Variants in FAR1 observed in about 807,000 individuals in gnomAD.
FAR1 encodes the protein male sterility domain-containing protein 2.
A neutral mutation model predicts 61.1 loss-of-function variants in FAR1; 22 were observed. That is an observed-to-expected ratio of 0.36 (90% CI 0.26 to 0.51). FAR1 has a LOEUF of 0.51. FAR1 is among the 20% of genes least tolerant of loss of function. The probability of loss-of-function intolerance (pLI) is 0.95; values close to 1 mark genes in which losing one functional copy is unlikely to be tolerated. For missense variants in FAR1, 359 were observed against 626.9 expected (o/e 0.57, Z 4.56); for synonymous variants, 206 against 209.7 (o/e 0.98, Z 0.15).
At chr11:13,691,683 T>C (rs1326018368) in intron 1 of FAR1, among the ~76,000 whole-genome samples, 1 of 152,214 alleles carries the variant, frequency 6.6e-6, no homozygotes, top group East Asian at 1.9e-4. Flanking sequence ...TTCATCCATG[T>C]TGTAGTAAGT....
intron 1 of FAR1, among the ~76,000 whole-genome samples, chr11:13,687,421 T>G (rs1848199497): frequency 6.6e-6 from 1 of 152,220 alleles, no homozygotes; most frequent in Non-Finnish European, 1.5e-5. Context: ...ATTGCAGTGG[T>G]GCAGCTACTT....
At chr11:13,708,447 G>GCGCACA (rs139902063) in intron 4 of FAR1, among the ~76,000 whole-genome samples, 5,049 of 136,632 alleles carry the variant, frequency 0.037, 102 homozygotes, top group Non-Finnish European at 0.046. Flanking sequence ...GCGCGCGCGC[G>GCGCACA]CACACACACA....
At position 13,709,905 on chromosome 11, in the gene FAR1, A is replaced by G. The variant is rs551339357; in HGVS notation, c.546-788A>G. On this transcript the variant is annotated intron_variant, in intron 4 of 11. Transcript: ENST00000354817. The stretch of plus-strand genomic sequence containing the variant: ...AGTAAAAACAAGTACATAATGTATT[A>G]GAATCAGAAGTTTAGGAAAAACCAT... 4.6e-5 allele frequency among the ~76,000 whole-genome samples: 7 copies of G among 152,244 alleles called. No homozygotes were observed. The South Asian group carries it at 1.4e-3, about 32-fold the overall frequency.
chr11:13,712,884 C>T (rs1180607588), intron 7 of FAR1, 82 bp from the exon 8 acceptor site: 3 of 1,033,800 alleles, frequency 2.9e-6, no homozygotes, highest in African/African-American at 1.6e-5. Flanking sequence ...ATCCTCATGT[C>T]TTCTTGAATA....
In FAR1 at chr11:13,683,809, C is replaced by A. The variant is rs888225474; in HGVS notation, c.-7-10950C>A. Among the ~76,000 whole-genome samples, 3 of 152,282 alleles carry A rather than the reference C, an allele frequency of 2.0e-5. No individual in the cohort carries two copies. In the South Asian group the frequency reaches 6.2e-4, roughly 32 times the overall value. On this transcript the variant is annotated intron_variant, in intron 1 of 11. Coordinates refer to ENST00000354817, the MANE Select transcript of FAR1 (RefSeq NM_032228.6). ...ATAGGTGGTAGAAATTTTTAGGTAG[C>A]TGGATTTAATGGTTAGATATTCAAT...
chr11:13,703,230 T>A (rs1017547383), intron 3 of FAR1, among the ~76,000 whole-genome samples: 1 of 152,180 alleles, frequency 6.6e-6, no homozygotes, highest in Non-Finnish European at 1.5e-5. Flanking sequence ...TCGCCCAGGC[T>A]GAGAGTGCAG....
rs1848708248 is a variant in FAR1 at position 13,730,089 on chromosome 11, G to A, written c.*1315G>A. 6.6e-6 allele frequency: 1 copy of A among 152,262 alleles called. No individual in the cohort carries two copies. The allele number at this position is 152,262 out of a possible 1,614,324, so 9.4% of individuals were successfully genotyped here. A position where few individuals can be genotyped will look rare whatever the true frequency, so the allele number is the denominator to read the frequency against. On this transcript the variant is annotated 3_prime_UTR_variant, in exon 12 of 12. Transcript: ENST00000354817. ...CTACTTACTGTTTTAACATACATTT[G>A]ATTTAACAAATTGTTCAGCATAACA...
chr11:13,692,802 G>C (rs921611430), intron 1 of FAR1, among the ~76,000 whole-genome samples: 3 of 151,958 alleles, frequency 2.0e-5, no homozygotes, highest in Non-Finnish European at 4.4e-5. Context: ...ATTATATTAT[G>C]GATGCAGCAG....
chr11:13,719,370 CTTATAAT>C (rs1168200760), intron 9 of FAR1, among the ~76,000 whole-genome samples: 1 of 152,058 alleles, frequency 6.6e-6, no homozygotes, highest in Non-Finnish European at 1.5e-5. Context: ...AATACAAAGT[CTTATAAT>C]TTATAATATT....
chr11:13,674,631 A>G (rs555313638), intron 1 of FAR1, among the ~76,000 whole-genome samples: 1 of 152,314 alleles, frequency 6.6e-6, no homozygotes, highest in South Asian at 2.1e-4. Context: ...AGAGAGGATA[A>G]ATTATTTTTG....
At chr11:13,675,396 A>G (rs36080069) in intron 1 of FAR1, among the ~76,000 whole-genome samples, 4,895 of 152,316 alleles carry the variant, frequency 0.032, 114 homozygotes, top group Non-Finnish European at 0.047. Context: ...AGGTGAGGGT[A>G]ATCACATGGA....
intron 1 of FAR1, among the ~76,000 whole-genome samples, chr11:13,675,150 A>T (rs191961849): frequency 1.3e-5 from 2 of 151,788 alleles, no homozygotes; most frequent in African/African-American, 4.8e-5. Context: ...TCATATAAAT[A>T]TATTTTGAGA....
chr11:13,691,149 C>G (rs1339037911), intron 1 of FAR1, among the ~76,000 whole-genome samples: 1 of 152,146 alleles, frequency 6.6e-6, no homozygotes, highest in Non-Finnish European at 1.5e-5. Flanking sequence ...AGAGCTGCTC[C>G]CTGCTTCTAA....
At chr11:13,727,805 T>C (rs1848682733) in intron 11 of FAR1, 122 bp downstream of exon 11, 1 of 882,078 alleles carries the variant, frequency 1.1e-6, no homozygotes, top group Admixed American at 2.9e-5. Context: ...TTTTTAATGG[T>C]AATCTCTTAT....
At chr11:13,706,431 C>A (rs1848432523) in intron 3 of FAR1, among the ~76,000 whole-genome samples, 1 of 152,088 alleles carries the variant, frequency 6.6e-6, no homozygotes. Context: ...GTAGTATCAA[C>A]AACAGTGTAT....
intron 2 of FAR1, among the ~76,000 whole-genome samples, chr11:13,695,488 C>A (rs1022301661): frequency 2.6e-5 from 4 of 152,010 alleles, no homozygotes; most frequent in African/African-American, 9.7e-5. Flanking sequence ...TGGAAATGAG[C>A]TAGAATAAAA....
intron 10 of FAR1, among the ~76,000 whole-genome samples, chr11:13,722,101 CT>C (rs973190901): frequency 2.0e-5 from 3 of 151,982 alleles, no homozygotes; most frequent in Non-Finnish European, 4.4e-5. Context: ...AATGTTGATT[CT>C]TTTTTTCCCT....
intron 10 of FAR1, among the ~76,000 whole-genome samples, chr11:13,722,630 C>CA (rs1848623293): frequency 6.6e-6 from 1 of 151,914 alleles, no homozygotes; most frequent in African/African-American, 2.4e-5. Context: ...CATACCACCA[C>CA]ACCCAGCTAA....
intron 1 of FAR1, among the ~76,000 whole-genome samples, chr11:13,671,976 T>A (rs551794502): frequency 6.6e-6 from 1 of 152,322 alleles, no homozygotes; most frequent in African/African-American, 2.4e-5. Context: ...ATACACTGTT[T>A]AGAGAAACCT....
Sources: allele counts gnomAD v4.1 joint callset (sites outside exome capture counted in the v4.1 genomes callset), GRCh38; gene constraint gnomAD v4.1.1; transcripts MANE v1.5; gene names NCBI Gene and HGNC (gene_info 2026-07-23, HGNC 2026-07-21).